ASTN2: variants seen among roughly 807,000 people sequenced by gnomAD.
The protein encoded by ASTN2 is astrotactin-2.
Under a neutral mutation model 139.8 loss-of-function variants are expected in ASTN2, and 54 were observed. The observed-to-expected ratio is 0.39, with a 90% CI of 0.31 to 0.48. ASTN2 has a LOEUF of 0.48. Ranked by LOEUF, ASTN2 falls within the 20% of genes least tolerant of loss-of-function variation. The probability of loss-of-function intolerance (pLI) is 0.95; values close to 1 mark genes in which losing one functional copy is unlikely to be tolerated. For missense variants in ASTN2, 1,565 were observed against 1,725.1 expected (o/e 0.91, Z 1.64); for synonymous variants, 756 against 719.5 (o/e 1.05, Z -0.81).
At chr9:116,441,053 G>T (rs1175783866) in intron 21 of ASTN2, among the ~76,000 whole-genome samples, 1 of 152,116 alleles carries the variant, frequency 6.6e-6, no homozygotes, top group East Asian at 1.9e-4. Flanking sequence ...TCAACACAGG[G>T]TCTGGCACAA....
intron 19 of ASTN2, among the ~76,000 whole-genome samples, chr9:116,502,141 A>ATG (rs35212715): frequency 0.027 from 4,067 of 150,578 alleles, 123 homozygotes; most frequent in African/African-American, 0.079. Context: ...AGATTTCCAA[A>ATG]TGTGTGTGTG....
chr9:117,194,815 T>C (rs562821303), intron 3 of ASTN2, among the ~76,000 whole-genome samples: 3 of 152,334 alleles, frequency 2.0e-5, no homozygotes, highest in African/African-American at 7.2e-5. Context: ...ATAAGGATAA[T>C]ACATTCTTTA....
At chr9:116,965,623 C>T (rs1835990969) in intron 10 of ASTN2, among the ~76,000 whole-genome samples, 2 of 152,222 alleles carry the variant, frequency 1.3e-5, no homozygotes, top group African/African-American at 2.4e-5. Flanking sequence ...CTAACTCCCT[C>T]AACTTTCCTC....
intron 1 of ASTN2, among the ~76,000 whole-genome samples, chr9:117,332,143 T>G (rs1828730533): frequency 6.6e-6 from 1 of 152,220 alleles, no homozygotes. Flanking sequence ...TCAACTTGTT[T>G]TCTTTTTTTT....
At chr9:116,900,617 G>A (rs1399159877) in intron 10 of ASTN2, among the ~76,000 whole-genome samples, 1 of 152,168 alleles carries the variant, frequency 6.6e-6, no homozygotes, top group Non-Finnish European at 1.5e-5. Flanking sequence ...AAGTCAGACC[G>A]ATTCTTCAAG....
chr9:117,243,916 C>A (rs1833288493), intron 2 of ASTN2, among the ~76,000 whole-genome samples: 1 of 152,076 alleles, frequency 6.6e-6, no homozygotes, highest in African/African-American at 2.4e-5. Flanking sequence ...TTTGTGTCCC[C>A]ACCAAATCAT....
intron 7 of ASTN2, among the ~76,000 whole-genome samples, chr9:116,998,960 A>G (rs1837102201): frequency 6.6e-6 from 1 of 152,200 alleles, no homozygotes; most frequent in Admixed American, 6.5e-5. Context: ...ACTAGAAACA[A>G]TCTGTAAACA....
chr9:116,534,454 A>C (rs4837600), intron 19 of ASTN2, among the ~76,000 whole-genome samples: 21,599 of 152,108 alleles, frequency 0.14, 1,665 homozygotes, highest in Middle Eastern at 0.19. Context: ...TTATGATGTT[A>C]GGGTGTCAAT....
At chr9:116,985,769 T>C (rs1332940228) in intron 7 of ASTN2, among the ~76,000 whole-genome samples, 3 of 152,168 alleles carry the variant, frequency 2.0e-5, no homozygotes, top group Non-Finnish European at 4.4e-5. Context: ...ACGCTTAACA[T>C]GGATGCACAG....
intron 10 of ASTN2, among the ~76,000 whole-genome samples, chr9:116,889,409 C>T (rs2132385484): frequency 6.6e-6 from 1 of 152,226 alleles, no homozygotes; most frequent in East Asian, 1.9e-4. Context: ...TCAACACAGG[C>T]ACAGCAGTGA....
At chr9:117,215,472 T>TATATATATA (rs1554792029) in intron 2 of ASTN2, among the ~76,000 whole-genome samples, 12 of 145,002 alleles carry the variant, frequency 8.3e-5, no homozygotes, top group East Asian at 2.0e-4. Context: ...TCAACTGATA[T>TATATATATA]ATATATATAT....
intron 14 of ASTN2, 86 bp from the exon 15 acceptor site, chr9:116,729,182 G>C: frequency 9.9e-7 from 1 of 1,005,520 alleles, no homozygotes; most frequent in South Asian, 1.5e-5. Flanking sequence ...TTGGCTCTGG[G>C]AAACAGACAC....
chr9:117,157,865 A>C (rs1830464996), intron 3 of ASTN2, among the ~76,000 whole-genome samples: 1 of 152,024 alleles, frequency 6.6e-6, no homozygotes, highest in Non-Finnish European at 1.5e-5. Flanking sequence ...TTTCATCAGA[A>C]GAGTGACACT....
intron 19 of ASTN2, among the ~76,000 whole-genome samples, chr9:116,509,129 G>A (rs1279769693): frequency 1.3e-5 from 2 of 152,072 alleles, no homozygotes; most frequent in Non-Finnish European, 2.9e-5. Context: ...ATTTACATTA[G>A]GTATATCTCC....
chr9:116,851,998 C>G (rs1323322344), intron 11 of ASTN2, among the ~76,000 whole-genome samples: 1 of 152,168 alleles, frequency 6.6e-6, no homozygotes, highest in Non-Finnish European at 1.5e-5. Context: ...AGGAGCATAG[C>G]TGAGGATTCA....
At chr9:116,460,720 G>T (rs1355885027) in intron 20 of ASTN2, among the ~76,000 whole-genome samples, 1 of 152,084 alleles carries the variant, frequency 6.6e-6, no homozygotes, top group African/African-American at 2.4e-5. Context: ...AGCGGGGAAA[G>T]TTCTTTGTTT....
At chr9:116,975,366 T>A in intron 9 of ASTN2, 21 bp from the exon 10 acceptor site, 1 of 1,581,922 alleles carries the variant, frequency 6.3e-7, no homozygotes, top group Non-Finnish European at 8.6e-7. Context: ...AGAGTTTCCA[T>A]TGGGGAACTC....
At chr9:116,742,048 T>C (rs118136383) in intron 13 of ASTN2, among the ~76,000 whole-genome samples, 3 of 152,356 alleles carry the variant, frequency 2.0e-5, no homozygotes, top group Non-Finnish European at 4.4e-5. Context: ...CACAGGCTGA[T>C]AGGAGACGCA....
At chr9:116,506,470 G>A (rs1850113286) in intron 19 of ASTN2, among the ~76,000 whole-genome samples, 1 of 151,020 alleles carries the variant, frequency 6.6e-6, no homozygotes, top group Admixed American at 6.6e-5. Context: ...TCTTAGGCGG[G>A]AAGCCCCAGA....
Sources: allele counts gnomAD v4.1 joint callset (sites outside exome capture counted in the v4.1 genomes callset), GRCh38; gene constraint gnomAD v4.1.1; transcripts MANE v1.5; gene names NCBI Gene and HGNC (gene_info 2026-07-23, HGNC 2026-07-21).